PHTF1: variants seen among roughly 807,000 people sequenced by gnomAD.
The protein encoded by PHTF1 is protein PHTF1.
A neutral mutation model predicts 102.4 loss-of-function variants in PHTF1; 88 were observed. That is an observed-to-expected ratio of 0.86 (90% CI 0.72 to 1.03). The LOEUF is 1.03. PHTF1 is among the 50% of genes least tolerant of loss of function. The pLI is 0.00. For missense variants in PHTF1, 814 were observed against 909.5 expected (o/e 0.89, Z 1.35); for synonymous variants, 289 against 305.2 (o/e 0.95, Z 0.55).
At position 113,704,818 on chromosome 1, in the gene PHTF1, AT is replaced by A. The variant is rs1350827961; in HGVS notation, c.1672-22del. 5 of 1,527,002 alleles carry A rather than the reference AT, an allele frequency of 3.3e-6. No individual in the cohort carries two copies. In the African/African-American group the frequency reaches 5.5e-5, roughly 17 times the overall value. 94.6% of individuals were successfully genotyped at this position (1,527,002 alleles called of 1,614,324 possible). A position where few individuals can be genotyped will look rare whatever the true frequency, so the allele number is the denominator to read the frequency against. On this transcript the variant is annotated intron_variant, in intron 13 of 18. Coordinates refer to ENST00000369604, the MANE Select transcript of PHTF1 (RefSeq NM_001323043.2). Reference sequence around the variant, plus strand: ...AATCTCTAGAAGAGATTTAAAAAAAATCACAGTGAAATGTATGTATGTGTCT... The same window carrying A: ...AATCTCTAGAAGAGATTTAAAAAAAACACAGTGAAATGTATGTATGTGTCT...
chr1:113,736,659 C>T (rs1486072291), intron 5 of PHTF1, among the ~76,000 whole-genome samples: 1 of 152,048 alleles, frequency 6.6e-6, no homozygotes, highest in Non-Finnish European at 1.5e-5. Context: ...GCACGAGAAT[C>T]ACTTAAGCCT....
At chr1:113,749,803 A>G (rs1477291957) in intron 3 of PHTF1, among the ~76,000 whole-genome samples, 1 of 152,174 alleles carries the variant, frequency 6.6e-6, no homozygotes, top group Admixed American at 6.5e-5. Flanking sequence ...TATTGCAGGC[A>G]CTTAAGAGTT....
chr1:113,709,667 GTACTT>G (rs1650758822), intron 11 of PHTF1, among the ~76,000 whole-genome samples: 1 of 152,150 alleles, frequency 6.6e-6, no homozygotes, highest in Non-Finnish European at 1.5e-5. Context: ...ATTATGCTAT[GTACTT>G]TATATTATCT....
intron 12 of PHTF1, 88 bp downstream of exon 12, chr1:113,706,506 C>T: frequency 1.2e-5 from 12 of 976,252 alleles, no homozygotes; most frequent in Non-Finnish European, 1.8e-5. Context: ...CAGAGTCATA[C>T]TGTTTTAATC....
intron 5 of PHTF1, among the ~76,000 whole-genome samples, chr1:113,736,068 C>G (rs576366419): frequency 6.6e-6 from 1 of 152,154 alleles, no homozygotes; most frequent in African/African-American, 2.4e-5. Context: ...GGAGGCCAGG[C>G]GCAGTGGCTC....
At position 113,706,592 on chromosome 1, in the gene PHTF1, AC is replaced by A; in HGVS notation, c.1398+1del. ...AAAATCTGAAAACATATTCAGTCTTACCCTGCTCATGATGATGCCACTTATT... is the reference window on the plus strand; with the variant it reads ...AAAATCTGAAAACATATTCAGTCTTACCTGCTCATGATGATGCCACTTATT... On this transcript the variant is annotated splice_donor_variant, in intron 12 of 18. Transcript: ENST00000369604. LOFTEE classifies it high-confidence loss of function. 6.2e-7 allele frequency: 1 copy of A among 1,603,366 alleles called. No individual in the cohort carries two copies. Among genetic ancestry groups the A allele is most frequent in the Non-Finnish European group, 8.5e-7 (1 of 1,176,898 alleles).
At chr1:113,740,332 G>A (rs1342064235) in intron 3 of PHTF1, among the ~76,000 whole-genome samples, 1 of 152,014 alleles carries the variant, frequency 6.6e-6, no homozygotes, top group African/African-American at 2.4e-5. Context: ...GTGGTATCAA[G>A]CATTTTTTCA....
intron 16 of PHTF1, among the ~76,000 whole-genome samples, 186 bp downstream of exon 16, chr1:113,700,608 C>G (rs1649331696): frequency 6.6e-6 from 1 of 152,182 alleles, no homozygotes; most frequent in Non-Finnish European, 1.5e-5. Flanking sequence ...TCTCACAGAG[C>G]AGGAGGAGAT....
At position 113,710,395 on chromosome 1, in the gene PHTF1, C is replaced by T. The variant is rs1650882862; in HGVS notation, c.1128G>A (p.Ser376=). Residue 376 remains serine (S), a synonymous_variant, in exon 11 of 19, where the codon TCG becomes TCA. Transcript: ENST00000369604. The part of the protein sequence containing the change: ...RRDSESTRHD[S]ETEDMLWDDL... The stretch of plus-strand genomic sequence containing the variant: ...CGTCCCATAACATGTCCTCAGTCTC[C>T]GAGTCATGGCGGGTGCTTTCTGAGT... 8 of 1,614,106 alleles carry T rather than the reference C, an allele frequency of 5.0e-6. No homozygotes were observed. Among genetic ancestry groups the T allele is most frequent in the African/African-American group, 4.0e-5 (3 of 75,028 alleles).
chr1:113,703,556 T>G (rs1342141873), intron 15 of PHTF1, among the ~76,000 whole-genome samples: 4 of 152,114 alleles, frequency 2.6e-5, no homozygotes, highest in Admixed American at 2.6e-4. Flanking sequence ...AGATGGGTCC[T>G]CATTATGTTG....
chr1:113,724,540 C>CAA (rs61211077), intron 7 of PHTF1, among the ~76,000 whole-genome samples: 3,331 of 59,754 alleles, frequency 0.056, 163 homozygotes, highest in African/African-American at 0.17. Flanking sequence ...GACTCCATTT[C>CAA]AAAAAAAAAA....
intron 7 of PHTF1, among the ~76,000 whole-genome samples, chr1:113,721,253 C>A (rs1034667751): frequency 6.6e-6 from 1 of 152,058 alleles, no homozygotes; most frequent in Admixed American, 6.5e-5. Context: ...AGGAAAAAAA[C>A]CATATAATCA....
chr1:113,725,486 T>G (rs1388993429), intron 6 of PHTF1: 1 of 152,198 alleles, frequency 6.6e-6, no homozygotes, highest in East Asian at 1.9e-4. Flanking sequence ...AAATTCTTAT[T>G]TAGTAATTGC....
At chr1:113,710,555 T>C (rs868329923) in intron 10 of PHTF1, 80 bp from the exon 11 acceptor site, 29 of 1,020,578 alleles carry the variant, frequency 2.8e-5, no homozygotes, top group Middle Eastern at 2.5e-4. Flanking sequence ...AAACAACTTA[T>C]CTACAGCAAT....
intron 7 of PHTF1, among the ~76,000 whole-genome samples, chr1:113,722,675 G>C (rs1653146536): frequency 6.6e-6 from 1 of 151,726 alleles, no homozygotes; most frequent in Non-Finnish European, 1.5e-5. Flanking sequence ...CACTTTGGAA[G>C]GCCAAGGTGG....
chr1:113,758,777 G>A, intron 1 of PHTF1, 44 bp from the exon 2 acceptor site: 1 of 1,573,224 alleles, frequency 6.4e-7, no homozygotes, highest in Non-Finnish European at 8.6e-7. Flanking sequence ...GCTGCTGAAG[G>A]TTACTCTCCC....
intron 3 of PHTF1, among the ~76,000 whole-genome samples, chr1:113,742,351 C>G (rs533448953): frequency 6.6e-6 from 1 of 152,200 alleles, no homozygotes; most frequent in Admixed American, 6.5e-5. Flanking sequence ...GGGCTGGGCG[C>G]GGTGGCTCAC....
intron 7 of PHTF1, chr1:113,714,095 C>G (rs1252074903): frequency 6.6e-6 from 1 of 152,382 alleles, no homozygotes; most frequent in Non-Finnish European, 1.5e-5. Flanking sequence ...GACCAAAGAG[C>G]CCTTGGGCTC....
intron 16 of PHTF1, among the ~76,000 whole-genome samples, chr1:113,700,405 T>A (rs944962851): frequency 6.6e-6 from 1 of 152,220 alleles, no homozygotes; most frequent in Non-Finnish European, 1.5e-5. Flanking sequence ...AAACCAAGTA[T>A]CTTCCAAACA....
Sources: gnomAD v4.1 joint callset for allele counts (sites outside exome capture counted in the v4.1 genomes callset) on GRCh38, gnomAD v4.1.1 for gene constraint, MANE v1.5 for transcripts, NCBI Gene and HGNC (gene_info 2026-07-23, HGNC 2026-07-21) for gene names.